FLVCR2: variants seen among roughly 807,000 people sequenced by gnomAD.
FLVCR2 encodes choline/ethanolamine transporter FLVCR2.
In FLVCR2, 38 loss-of-function variants were observed where a neutral mutation model predicts 48.9. That is an observed-to-expected ratio of 0.78 (90% confidence interval 0.60 to 1.02). The LOEUF is 1.02. Ranked by LOEUF, FLVCR2 falls within the 50% of genes least tolerant of loss-of-function variation. The pLI, the probability that FLVCR2 is intolerant of heterozygous loss-of-function variation, is 0.00. For missense variants in FLVCR2, 664 were observed against 663.3 expected, an observed-to-expected ratio of 1.00 and a Z score of -0.01; for synonymous variants, 255 against 257.0, an observed-to-expected ratio of 0.99 and a Z score of 0.07.
At chr14:75,644,467 T>C (rs1890371699) in intron 9 of FLVCR2, among the ~76,000 whole-genome samples, 1 of 152,218 alleles carries the variant, frequency 6.6e-6, no homozygotes, top group Non-Finnish European at 1.5e-5. Context: ...GGTTTGTTAA[T>C]CAAGGTTACA....
chr14:75,596,026 T>G, intron 1 of FLVCR2: 1 of 1,378,768 alleles, frequency 7.3e-7, no homozygotes, highest in Non-Finnish European at 1.0e-6. Flanking sequence ...AAATGAGTTT[T>G]GAATGCAAAT....
chr14:75,605,630 G>A, intron 1 of FLVCR2: 1 of 1,535,730 alleles, frequency 6.5e-7, no homozygotes, highest in South Asian at 1.2e-5. Context: ...AGGAGGTGAG[G>A]ATAGATCTTA....
intron 1 of FLVCR2, among the ~76,000 whole-genome samples, chr14:75,593,990 GC>G (rs1208395609): frequency 1.3e-5 from 2 of 152,112 alleles, no homozygotes; most frequent in Non-Finnish European, 2.9e-5. Context: ...CTTCAAAGTA[GC>G]AATACAGCTC....
chr14:75,589,872 C>T (rs947349474), intron 1 of FLVCR2, among the ~76,000 whole-genome samples: 1 of 152,248 alleles, frequency 6.6e-6, no homozygotes, highest in Non-Finnish European at 1.5e-5. Flanking sequence ...CAAGGAATGC[C>T]ATGCCAGAAT....
intron 1 of FLVCR2, among the ~76,000 whole-genome samples, chr14:75,605,066 C>T (rs1889257942): frequency 6.6e-6 from 1 of 152,158 alleles, no homozygotes; most frequent in Non-Finnish European, 1.5e-5. Flanking sequence ...GGCGCCCAGG[C>T]TTATCAGGTG....
intron 1 of FLVCR2, among the ~76,000 whole-genome samples, chr14:75,602,784 T>TAA (rs1401398519): frequency 1.3e-5 from 2 of 152,186 alleles, no homozygotes; most frequent in Non-Finnish European, 2.9e-5. Context: ...TGAATGTACT[T>TAA]AACGCTGCTG....
At chr14:75,646,288 T>C (rs1225579608) in intron 9 of FLVCR2, 113 bp from the exon 10 acceptor site, 8 of 738,584 alleles carry the variant, frequency 1.1e-5, no homozygotes, top group African/African-American at 1.7e-5. Context: ...GGATGCTGAG[T>C]GGCCCCCGGC....
At chr14:75,641,925 T>C in intron 9 of FLVCR2, 27 bp downstream of exon 9, 7 of 1,609,072 alleles carry the variant, frequency 4.4e-6, no homozygotes, top group Non-Finnish European at 6.0e-6. Flanking sequence ...TTTGTGGGGC[T>C]GAGATCGGGG....
chr14:75,633,941 T>C lies in FLVCR2; in HGVS notation c.1020+245T>C, dbSNP rs1890104559. On this transcript the variant is annotated intron_variant, in intron 4 of 9. Transcript: ENST00000238667. ...TAGTGTTTCTGAGCTCTCATTTTTT[T>C]TTTTTTCTGCAAAAGAAGCATAATT... Among the ~76,000 whole-genome samples, 5 of 152,142 alleles carry C rather than the reference T, an allele frequency of 3.3e-5. No individual in the cohort carries two copies. In the South Asian group the frequency reaches 1.0e-3, roughly 32 times the overall value.
At chr14:75,623,636 T>C (rs888475260) in intron 2 of FLVCR2, among the ~76,000 whole-genome samples, 2 of 152,092 alleles carry the variant, frequency 1.3e-5, no homozygotes, top group African/African-American at 2.4e-5. Flanking sequence ...CCATCATGTG[T>C]TGCTAGTGTG....
At chr14:75,585,613 C>T (rs560171488) in intron 1 of FLVCR2, among the ~76,000 whole-genome samples, 18 of 152,134 alleles carry the variant, frequency 1.2e-4, no homozygotes, top group Admixed American at 6.5e-4. Flanking sequence ...CAGGTGTCCC[C>T]GCAATTGACT....
chr14:75,581,627 AC>A (rs1218529061), intron 1 of FLVCR2, among the ~76,000 whole-genome samples: 6 of 152,172 alleles, frequency 3.9e-5, no homozygotes, highest in Non-Finnish European at 8.8e-5. Flanking sequence ...GCCTTCTCAG[AC>A]CCTGTGGGAA....
intron 1 of FLVCR2, among the ~76,000 whole-genome samples, chr14:75,588,427 T>C (rs1888801532): frequency 6.6e-6 from 1 of 152,230 alleles, no homozygotes; most frequent in Non-Finnish European, 1.5e-5. Flanking sequence ...AAAGGTCTCA[T>C]GTCTCAGTAG....
At chr14:75,639,322 T>C (rs1412700413) in intron 5 of FLVCR2, 30 bp from the exon 6 acceptor site, 1 of 1,399,212 alleles carries the variant, frequency 7.1e-7, no homozygotes, top group East Asian at 2.3e-5. Flanking sequence ...TCAGAAGTGT[T>C]TGATTCAATT....
At chr14:75,638,729 G>T (rs1464882215) in intron 5 of FLVCR2, among the ~76,000 whole-genome samples, 1 of 152,210 alleles carries the variant, frequency 6.6e-6, no homozygotes, top group Non-Finnish European at 1.5e-5. Flanking sequence ...GACAAGTCAA[G>T]GGGCAGATTG....
intron 1 of FLVCR2, among the ~76,000 whole-genome samples, chr14:75,621,110 A>G (rs755569697): frequency 8.5e-5 from 13 of 152,190 alleles, no homozygotes; most frequent in African/African-American, 1.4e-4. Flanking sequence ...CACCCAAGTC[A>G]TGTTATCTGT....
At chr14:75,625,758 T>C (rs1336795403) in intron 3 of FLVCR2, among the ~76,000 whole-genome samples, 2 of 152,016 alleles carry the variant, frequency 1.3e-5, no homozygotes, top group Non-Finnish European at 2.9e-5. Flanking sequence ...AAAGCTATTG[T>C]TTTATGTTTT....
In FLVCR2 at chr14:75,634,957, A is replaced by G; in HGVS notation, c.1068A>G (p.Ala356=). ...GAATTGGCCTGACGATCGTCATTGC[A>G]GGAATGCTTGGGGCTGTGATCTCAG... ...AGRIGLTIVI[A]GMLGAVISGI... The change falls in exon 5 of 10, where the codon GCA becomes GCG. Residue 356 remains alanine, a synonymous_variant. Coordinates refer to ENST00000238667, the MANE Select transcript of FLVCR2 (RefSeq NM_017791.3). The G allele has an allele frequency of 6.2e-7, 1 of 1,614,104 alleles. No individual in the cohort carries two copies. Among genetic ancestry groups the G allele is most frequent in the Non-Finnish European group, 8.5e-7 (1 of 1,179,960 alleles).
At chr14:75,606,346 G>A (rs1889290140) in intron 1 of FLVCR2, among the ~76,000 whole-genome samples, 2 of 152,144 alleles carry the variant, frequency 1.3e-5, no homozygotes, top group African/African-American at 4.8e-5. Context: ...GTTAAAGCAG[G>A]GTTCATTCTC....
Sources: allele counts gnomAD v4.1 joint callset (sites outside exome capture counted in the v4.1 genomes callset), GRCh38; gene constraint gnomAD v4.1.1; transcripts MANE v1.5; gene names NCBI Gene and HGNC (gene_info 2026-07-23, HGNC 2026-07-21).